ROBO1: variants seen among roughly 807,000 people sequenced by gnomAD.
ROBO1 encodes roundabout homolog 1.
Under a neutral mutation model 195.9 loss-of-function variants are expected in ROBO1, and 149 were observed. The ratio of observed to expected loss-of-function variants is 0.76; its 90% CI spans 0.67 to 0.87. ROBO1 has a LOEUF of 0.87. ROBO1 is among the 40% of genes least tolerant of loss of function. ROBO1 has a pLI of 0.00. For synonymous variants in ROBO1, 816 were observed against 733.2 expected, an observed-to-expected ratio of 1.11 and a Z score of -1.82; for missense variants, 1,933 against 2,068.3, an observed-to-expected ratio of 0.93 and a Z score of 1.27.
At chr3:79,588,809 T>C (rs1943908818) in intron 2 of ROBO1, among the ~76,000 whole-genome samples, 1 of 151,750 alleles carries the variant, frequency 6.6e-6, no homozygotes. Flanking sequence ...TTCTGTATTC[T>C]TCAATCATGT....
intron 4 of ROBO1, among the ~76,000 whole-genome samples, chr3:78,878,025 C>T (rs972142284): frequency 6.6e-6 from 1 of 152,096 alleles, no homozygotes; most frequent in African/African-American, 2.4e-5. Context: ...CTATGCATAT[C>T]CTCCCATCAC....
chr3:78,727,810 T>C (rs556910167), intron 5 of ROBO1, among the ~76,000 whole-genome samples: 54 of 152,298 alleles, frequency 3.5e-4, no homozygotes, highest in Non-Finnish European at 7.1e-4. Flanking sequence ...AAATCATTGA[T>C]AGAGAGAAAC....
At chr3:79,732,128 A>G (rs1257643204) in intron 1 of ROBO1, among the ~76,000 whole-genome samples, 4 of 151,934 alleles carry the variant, frequency 2.6e-5, no homozygotes, top group African/African-American at 9.7e-5. Flanking sequence ...TAAATATTAT[A>G]AATAATTATA....
chr3:79,741,452 T>G (rs567988628), intron 1 of ROBO1, among the ~76,000 whole-genome samples: 4 of 152,212 alleles, frequency 2.6e-5, no homozygotes, highest in Non-Finnish European at 5.9e-5. Flanking sequence ...AGAACTCAGA[T>G]TTTGTTTCCT....
At chr3:79,411,618 A>G (rs550895909) in intron 2 of ROBO1, among the ~76,000 whole-genome samples, 3 of 152,262 alleles carry the variant, frequency 2.0e-5, no homozygotes, top group Admixed American at 1.3e-4. Flanking sequence ...AATTACACAC[A>G]TGGCCTTTGG....
At chr3:79,346,152 T>C (rs1685821123) in intron 2 of ROBO1, among the ~76,000 whole-genome samples, 2 of 152,186 alleles carry the variant, frequency 1.3e-5, no homozygotes, top group South Asian at 2.1e-4. Flanking sequence ...GATTGCTCTA[T>C]ATTGCTCATT....
At chr3:78,608,020 TAC>T (rs56715450) in intron 28 of ROBO1, among the ~76,000 whole-genome samples, 9,318 of 149,808 alleles carry the variant, frequency 0.062, 435 homozygotes, top group African/African-American at 0.14. Flanking sequence ...TAATTTCATT[TAC>T]ACACACACAC....
At chr3:79,282,130 A>G (rs1282121203) in intron 2 of ROBO1, among the ~76,000 whole-genome samples, 2 of 152,186 alleles carry the variant, frequency 1.3e-5, no homozygotes, top group Admixed American at 1.3e-4. Flanking sequence ...TACGAAAAAA[A>G]TAATTAAGAT....
intron 2 of ROBO1, among the ~76,000 whole-genome samples, chr3:79,457,711 T>C (rs1395672225): frequency 1.3e-5 from 2 of 152,158 alleles, no homozygotes; most frequent in African/African-American, 4.8e-5. Flanking sequence ...CCCCTGCACA[T>C]GCTCTTTCAC....
intron 22 of ROBO1, among the ~76,000 whole-genome samples, chr3:78,639,102 C>T (rs1018085327): frequency 4.6e-5 from 7 of 151,108 alleles, no homozygotes; most frequent in East Asian, 2.0e-4. Context: ...GCTGAGATTG[C>T]GCCTCTGAGC....
At chr3:79,292,413 G>A in intron 2 of ROBO1, among the ~76,000 whole-genome samples, 1 of 152,280 alleles carries the variant, frequency 6.6e-6, no homozygotes, top group African/African-American at 2.4e-5. Context: ...CCAATACTAT[G>A]TTGAAGAAGA....
intron 3 of ROBO1, among the ~76,000 whole-genome samples, chr3:79,011,859 T>C (rs1247936038): frequency 6.6e-6 from 1 of 152,064 alleles, no homozygotes; most frequent in Non-Finnish European, 1.5e-5. Context: ...AAGAACTTAC[T>C]AGTCATACAT....
rs2038275838 is a variant in ROBO1 at position 78,912,069 on chromosome 3, C to G, written c.499+26532G>C. 2.0e-5 allele frequency among the ~76,000 whole-genome samples: 3 copies of G among 152,112 alleles called. No homozygotes were observed. The South Asian group carries it at 6.2e-4, about 32-fold the overall frequency. ...TCGTAAGTCTGGAGAATATGCAACACAGGGAAGAAAGTTCCCTTACACAGC... is the reference window on the plus strand; with the variant it reads ...TCGTAAGTCTGGAGAATATGCAACAGAGGGAAGAAAGTTCCCTTACACAGC... On this transcript the variant is annotated intron_variant, in intron 4 of 30. Coordinates refer to ENST00000464233, the MANE Select transcript of ROBO1 (RefSeq NM_002941.4).
intron 2 of ROBO1, among the ~76,000 whole-genome samples, chr3:79,519,628 C>CAAAAA (rs71631657): frequency 0.012 from 761 of 63,702 alleles, 37 homozygotes; most frequent in East Asian, 0.017. Flanking sequence ...GACTCCTGCT[C>CAAAAA]AAAAAAAAAA....
chr3:79,398,908 A>T (rs182038874), intron 2 of ROBO1, among the ~76,000 whole-genome samples: 1 of 152,206 alleles, frequency 6.6e-6, no homozygotes, highest in African/African-American at 2.4e-5. Context: ...ACTGTGCTTT[A>T]TACATAAAAA....
intron 4 of ROBO1, among the ~76,000 whole-genome samples, chr3:78,883,529 A>C (rs2036311101): frequency 6.6e-6 from 1 of 151,758 alleles, no homozygotes; most frequent in African/African-American, 2.4e-5. Flanking sequence ...CTACAGGTGC[A>C]TATCACCATG....
intron 8 of ROBO1, among the ~76,000 whole-genome samples, chr3:78,711,803 T>C (rs1249776224): frequency 1.3e-5 from 2 of 151,158 alleles, no homozygotes; most frequent in Admixed American, 6.6e-5. Context: ...GTGCTGTTTC[T>C]ACCATTCAAG....
At chr3:78,628,719 T>C (rs1704984586) in intron 25 of ROBO1, among the ~76,000 whole-genome samples, 1 of 152,192 alleles carries the variant, frequency 6.6e-6, no homozygotes, top group Non-Finnish European at 1.5e-5. Flanking sequence ...CTTTCTTATG[T>C]TTCCTTTATT....
At chr3:78,682,447 G>GTATATGTATA (rs199702968) in intron 10 of ROBO1, among the ~76,000 whole-genome samples, 4 of 148,498 alleles carry the variant, frequency 2.7e-5, no homozygotes, top group Non-Finnish European at 4.5e-5. Flanking sequence ...ATGACTGTGT[G>GTATATGTATA]TATATGTATA....
Sources: allele counts gnomAD v4.1 joint callset (sites outside exome capture counted in the v4.1 genomes callset), GRCh38; gene constraint gnomAD v4.1.1; transcripts MANE v1.5; gene names NCBI Gene and HGNC (gene_info 2026-07-23, HGNC 2026-07-21).